The following XKR4 variants were observed in gnomAD, a reference collection of about 807,000 sequenced individuals.
The protein encoded by XKR4 is XK related 4.
In XKR4, 12 loss-of-function variants were observed where a neutral mutation model predicts 53.9. The ratio of observed to expected loss-of-function variants is 0.22; its 90% CI spans 0.14 to 0.36. The LOEUF (loss-of-function observed/expected upper bound fraction) is 0.36. Among genes scored for constraint, XKR4 ranks in the 10% least tolerant of loss-of-function variants. XKR4 has a pLI of 1.00. For missense variants in XKR4, 799 were observed against 859.5 expected (o/e 0.93, Z 0.88); for synonymous variants, 354 against 362.4 (o/e 0.98, Z 0.26).
intron 2 of XKR4, chr8:55,451,910 C>T (rs1805454002): frequency 1.2e-6 from 1 of 813,276 alleles, no homozygotes. Flanking sequence ...ACTGAGATCT[C>T]CTCCTCCTGG....
At chr8:55,311,122 C>G (rs1819381556) in intron 1 of XKR4, among the ~76,000 whole-genome samples, 1 of 152,184 alleles carries the variant, frequency 6.6e-6, no homozygotes, top group Admixed American at 6.5e-5. Flanking sequence ...CAACAGTTGG[C>G]ATTTTGGGAG....
At chr8:55,220,230 T>A (rs1817863255) in intron 1 of XKR4, among the ~76,000 whole-genome samples, 1 of 152,172 alleles carries the variant, frequency 6.6e-6, no homozygotes, top group South Asian at 2.1e-4. Flanking sequence ...TTTTTAAATG[T>A]ATGATAGCAT....
intron 2 of XKR4, among the ~76,000 whole-genome samples, chr8:55,373,105 A>G (rs1236259146): frequency 6.6e-6 from 1 of 152,216 alleles, no homozygotes; most frequent in Non-Finnish European, 1.5e-5. Context: ...TCCACAGCTC[A>G]TAACTCAGCT....
chr8:55,118,735 G>T (rs1816347168), intron 1 of XKR4, among the ~76,000 whole-genome samples: 1 of 152,144 alleles, frequency 6.6e-6, no homozygotes, highest in Non-Finnish European at 1.5e-5. Context: ...CTTTATTCTG[G>T]TCCTTATTTT....
At position 55,220,933 on chromosome 8, in the gene XKR4, G is replaced by A. The variant is rs753873010; in HGVS notation, c.806+117639G>A. ...CTTGCATATAGCAGGCTCCACGTTC[G>A]TGGTAGATACTATGCTAATGGTTCA... On this transcript the variant is annotated intron_variant, in intron 1 of 2. Transcript: ENST00000327381. Among the ~76,000 whole-genome samples the A allele has an allele frequency of 3.0e-4, 46 of 152,188 alleles. 1 individual carries two copies. Among genetic ancestry groups the A allele is most frequent in the Admixed American group, 5.2e-4 (8 of 15,282 alleles).
At chr8:55,142,269 C>T in intron 1 of XKR4, 2 of 444,836 alleles carry the variant, frequency 4.5e-6, no homozygotes, top group Non-Finnish European at 9.1e-6. Flanking sequence ...GAGAAGTTGC[C>T]ATTCTCCTGG....
chr8:55,508,745 T>A (rs1806581283), intron 2 of XKR4, among the ~76,000 whole-genome samples: 1 of 152,194 alleles, frequency 6.6e-6, no homozygotes, highest in Admixed American at 6.5e-5. Context: ...TCAGTAAGTG[T>A]TTACTGAATT....
chr8:55,366,698 T>C (rs59381812), intron 2 of XKR4, among the ~76,000 whole-genome samples: 7,995 of 152,282 alleles, frequency 0.053, 618 homozygotes, highest in African/African-American at 0.18. Flanking sequence ...TTCTCACCCA[T>C]ATGTCCTGCC....
At position 55,107,769 on chromosome 8, in the gene XKR4, C is replaced by A. The variant is rs571432736; in HGVS notation, c.806+4475C>A. On this transcript the variant is annotated intron_variant, in intron 1 of 2. Coordinates refer to ENST00000327381, the MANE Select transcript of XKR4 (RefSeq NM_052898.2). ...CTATTAAAAAAGGTGGTCTTCAATT[C>A]TGAGTTAGTCCTGAATTCTGATATA... Among the ~76,000 whole-genome samples the A allele has an allele frequency of 1.1e-3, 169 of 152,244 alleles. 1 individual carries two copies. The highest frequency in any genetic ancestry group is 3.9e-3 in the African/African-American group (162 of 41,552).
intron 2 of XKR4, among the ~76,000 whole-genome samples, chr8:55,469,547 C>T (rs554850421): frequency 7.9e-5 from 12 of 152,088 alleles, no homozygotes; most frequent in Non-Finnish European, 1.8e-4. Context: ...AACAAGTAAT[C>T]ACTTTAAATC....
At chr8:55,390,636 G>A (rs1215741194) in intron 2 of XKR4, among the ~76,000 whole-genome samples, 1 of 152,184 alleles carries the variant, frequency 6.6e-6, no homozygotes, top group Admixed American at 6.5e-5. Flanking sequence ...GGGCACTTTG[G>A]TGTTAGTGTT....
chr8:55,114,111 A>C (rs1307090298), intron 1 of XKR4, among the ~76,000 whole-genome samples: 1 of 152,118 alleles, frequency 6.6e-6, no homozygotes, highest in African/African-American at 2.4e-5. Context: ...TGCTGGATCA[A>C]ATGGTAGTTC....
At chr8:55,205,460 T>A (rs1817632650) in intron 1 of XKR4, among the ~76,000 whole-genome samples, 1 of 152,178 alleles carries the variant, frequency 6.6e-6, no homozygotes, top group Non-Finnish European at 1.5e-5. Context: ...AATGAACAAA[T>A]GTACTTAGGA....
intron 1 of XKR4, among the ~76,000 whole-genome samples, chr8:55,340,689 AC>A (rs1246222334): frequency 6.6e-6 from 1 of 152,202 alleles, no homozygotes; most frequent in Non-Finnish European, 1.5e-5. Flanking sequence ...CGGCATCAAG[AC>A]TTTTCATTCC....
In XKR4 at chr8:55,535,457, A is replaced by T. The variant is rs545550184; in HGVS notation, c.*11230A>T. 6.8e-6 allele frequency: 1 copy of T among 146,680 alleles called. No individual in the cohort carries two copies. Among genetic ancestry groups the T allele is most frequent in the East Asian group, 2.1e-4 (1 of 4,838 alleles). 9.1% of individuals were successfully genotyped at this position (146,680 alleles called of 1,614,324 possible). A position where few individuals can be genotyped will look rare whatever the true frequency, so the allele number is the denominator to read the frequency against. ...ACTTATTTTCAATTGCCCAGCAATG[A>T]AAACTAACAAGTTAAAGAAAATGTT... On this transcript the variant is annotated 3_prime_UTR_variant, in exon 3 of 3. Transcript: ENST00000327381.
At chr8:55,144,642 G>GACAAA (rs900373243) in intron 1 of XKR4, among the ~76,000 whole-genome samples, 13 of 151,970 alleles carry the variant, frequency 8.6e-5, no homozygotes, top group Admixed American at 7.9e-4. Context: ...GTAAGTCATA[G>GACAAA]ACAAAACAAA....
chr8:55,120,321 GCTTACCTTTCTTACTTTAAGAAATGAA>G (rs1816373339), intron 1 of XKR4, among the ~76,000 whole-genome samples: 1 of 152,054 alleles, frequency 6.6e-6, no homozygotes, highest in Non-Finnish European at 1.5e-5. Flanking sequence ...TTTAAGTAGG[GCTTACCTTTCTTACTTTAAGAAATGAA>G]CTTCTGTTTG....
intron 2 of XKR4, among the ~76,000 whole-genome samples, chr8:55,448,738 C>G (rs927255707): frequency 6.6e-6 from 1 of 152,208 alleles, no homozygotes; most frequent in African/African-American, 2.4e-5. Context: ...AGTAGTCAAC[C>G]TGGTAGGCTG....
intron 1 of XKR4, among the ~76,000 whole-genome samples, chr8:55,118,917 T>C (rs547476209): frequency 8.1e-4 from 124 of 152,346 alleles, no homozygotes; most frequent in Non-Finnish European, 1.4e-3. Flanking sequence ...TTGATACTAA[T>C]ATGCTGTAAG....
Sources: allele counts gnomAD v4.1 joint callset (sites outside exome capture counted in the v4.1 genomes callset), GRCh38; gene constraint gnomAD v4.1.1; transcripts MANE v1.5; gene names NCBI Gene and HGNC (gene_info 2026-07-23, HGNC 2026-07-21).